Variants in STKLD1 observed in about 807,000 individuals in gnomAD.
STKLD1 encodes serine/threonine kinase like domain containing 1, also known as serine/threonine kinase-like domain-containing protein STKLD1.
In STKLD1, 79 loss-of-function variants were observed where a neutral mutation model predicts 80.4. That is an observed-to-expected ratio of 0.98 (90% CI 0.82 to 1.19). The LOEUF is 1.19. Among genes scored for constraint, STKLD1 ranks in the 50% most tolerant of loss-of-function variants. The probability of loss-of-function intolerance (pLI) is 0.00; values close to 1 mark genes in which losing one functional copy is unlikely to be tolerated. For synonymous variants in STKLD1, 393 were observed against 357.6 expected (o/e 1.10, Z -1.12); for missense variants, 841 against 856.0 (o/e 0.98, Z 0.22).
intron 12 of STKLD1, 30 bp from the exon 13 acceptor site, chr9:133,401,706 TAA>T: frequency 1.3e-6 from 2 of 1,599,900 alleles, no homozygotes; most frequent in Admixed American, 3.4e-5. Flanking sequence ...GCTGTGGGGC[TAA>T]CCCCAGGCGT....
intron 7 of STKLD1, among the ~76,000 whole-genome samples, chr9:133,393,191 C>CATGGATGGATGGATGGATGG (rs1276349804): frequency 1.8e-4 from 16 of 90,666 alleles, no homozygotes; most frequent in Admixed American, 2.4e-4. Context: ...TGGATGAGTG[C>CATGGATGGATGGATGGATGG]ATGGATGGAT....
At position 133,376,463 on chromosome 9, in the gene STKLD1, C is replaced by T; in HGVS notation, c.-11C>T. ...GGGTGGACGCTCGCCCGTACGCGGT[C>T]GCTACTGATCATGCTTGGGCCAGGG... On this transcript the variant is annotated 5_prime_UTR_variant, in exon 1 of 18. Transcript: ENST00000371957. The T allele has an allele frequency of 6.4e-7, 1 of 1,573,578 alleles. No homozygotes were observed. Among genetic ancestry groups the T allele is most frequent in the South Asian group, 1.2e-5 (1 of 85,606 alleles).
chr9:133,391,277 G>T (rs1838389230), intron 7 of STKLD1, among the ~76,000 whole-genome samples: 2 of 142,006 alleles, frequency 1.4e-5, no homozygotes, highest in Admixed American at 1.4e-4. Context: ...CCCCGTCAGG[G>T]AGGGAGGTGA....
rs920561704 is a variant in STKLD1, at chr9:133,379,087, G to A, written c.139G>A (p.Glu47Lys). The A allele has an allele frequency of 6.2e-7, 1 of 1,614,022 alleles. No homozygotes were observed. Among genetic ancestry groups the A allele is most frequent in the Non-Finnish European group, 8.5e-7 (1 of 1,179,938 alleles). The change falls in exon 2 of 18, where the codon GAA (glutamate) becomes AAA (lysine). Residue 47 changes from glutamate to lysine, a missense_variant. Glu to Lys is a moderately conservative substitution (Grantham distance 56). Coordinates refer to ENST00000371957, the MANE Select transcript of STKLD1 (RefSeq NM_153710.5). ...CTTGGGGGTGAACCTGGTGGTGGAG[G>A]AAATGGAAACCAAAGTCAAGCATGT... is the stretch of plus-strand genomic sequence containing the variant. The part of the protein sequence containing the change: ...GALGVNLVVE[E>K]METKVKHVIK...
At chr9:133,393,731 G>A (rs76207109) in intron 7 of STKLD1, 1,900 of 152,918 alleles carry the variant, frequency 0.012, 30 homozygotes, top group African/African-American at 0.036. Flanking sequence ...TCTATTGGAG[G>A]TGTAGATGGC....
intron 4 of STKLD1, among the ~76,000 whole-genome samples, chr9:133,386,303 G>GC (rs1243796477): frequency 6.6e-6 from 1 of 152,248 alleles, no homozygotes; most frequent in African/African-American, 2.4e-5. Context: ...CTAGTACGTG[G>GC]CCAAGCCAGA....
chr9:133,389,454 C>A lies in STKLD1; in HGVS notation c.397-72C>A. The A allele has an allele frequency of 6.3e-7, 1 of 1,578,578 alleles. No homozygotes were observed. The highest frequency in any genetic ancestry group is 8.6e-7 in the Non-Finnish European group (1 of 1,162,426). On this transcript the variant is annotated intron_variant, in intron 5 of 17. Coordinates refer to ENST00000371957, the MANE Select transcript of STKLD1 (RefSeq NM_153710.5). The surrounding 1 kb of genome is among the most constrained non-coding windows in gnomAD (Gnocchi z 6.4). ...GGATACACCACCATCCTGCTGGCTG[C>A]TCTGAGTGTCACCCCCCTGAAAGCA...
Position 133,385,837 on chromosome 9 carries a change from C to A in STKLD1, c.294+146C>A. The A allele has an allele frequency of 1.5e-6, 1 of 676,150 alleles. No individual in the cohort carries two copies. The highest frequency in any genetic ancestry group is 2.5e-6 in the Non-Finnish European group (1 of 394,758). 41.9% of individuals were successfully genotyped at this position (676,150 alleles called of 1,614,324 possible). On this transcript the variant is annotated intron_variant, in intron 4 of 17. Coordinates refer to ENST00000371957, the MANE Select transcript of STKLD1 (RefSeq NM_153710.5). This position sits in a 1 kb window ranked among gnomAD's most constrained non-coding sequence, Gnocchi z 4.9. Reference sequence around the variant, plus strand: ...GACTGTAAACGTGGCCACCCCTGACCTAACACTCACTGGGGCCAGGTACCA... The same window carrying A: ...GACTGTAAACGTGGCCACCCCTGACATAACACTCACTGGGGCCAGGTACCA...
At chr9:133,399,026 G>T (rs28373202) in intron 11 of STKLD1, among the ~76,000 whole-genome samples, 2 of 151,872 alleles carry the variant, frequency 1.3e-5, no homozygotes, top group African/African-American at 2.4e-5. Flanking sequence ...CTAATTTTTC[G>T]TATTTTTATT....
chr9:133,387,829 T>A (rs1165612981), intron 5 of STKLD1: 2 of 557,442 alleles, frequency 3.6e-6, no homozygotes, highest in African/African-American at 3.7e-5. Context: ...GTTCTGCCGG[T>A]CCCTGAAGTT....
At chr9:133,402,711 C>T (rs1274976786) in intron 13 of STKLD1, among the ~76,000 whole-genome samples, 167 bp from the exon 14 acceptor site, 1 of 152,230 alleles carries the variant, frequency 6.6e-6, no homozygotes, top group Non-Finnish European at 1.5e-5. Context: ...CCTCTGGGGC[C>T]AGTCCCACAT....
Position 133,389,571 on chromosome 9 carries a change from C to T in STKLD1, c.442C>T (p.Leu148=), listed in dbSNP as rs2130284475. ...CCAGGTGCTGGACGCGCTGGAATAC[C>T]TGCACCATTTGGACATCATCCACAG... ...LGQVLDALEY[L]HHLDIIHRNL... The change falls in exon 6 of 18, where the codon CTG becomes TTG. Residue 148 remains leucine, a synonymous_variant. Transcript: ENST00000371957. This position sits in a 1 kb window ranked among gnomAD's most constrained non-coding sequence, Gnocchi z 6.4. The T allele has an allele frequency of 1.1e-5, 17 of 1,613,426 alleles. No homozygotes were observed. The African/African-American group carries it at 2.0e-4, about 19-fold the overall frequency.
chr9:133,405,322 C>T lies in STKLD1; in HGVS notation c.1944C>T (p.Thr648=). 6.2e-7 allele frequency: 1 copy of T among 1,612,976 alleles called. No individual in the cohort carries two copies. Among genetic ancestry groups the T allele is most frequent in the Non-Finnish European group, 8.5e-7 (1 of 1,179,908 alleles). The part of the protein sequence containing the change: ...ALLQEIKERF[T]SSLVSDSSAF... The stretch of plus-strand genomic sequence containing the variant: ...TCCAGGAGATCAAGGAGCGCTTCAC[C>T]TCCAGCCTGGTGAGTGACAGCAGCG... The change falls in exon 18 of 18, where the codon ACC becomes ACT. Residue 648 remains threonine (T), a synonymous_variant. Transcript: ENST00000371957.
chr9:133,400,552 TG>T, intron 12 of STKLD1, 23 bp downstream of exon 12: 1 of 1,580,176 alleles, frequency 6.3e-7, no homozygotes, highest in South Asian at 1.1e-5. Flanking sequence ...CCAGGCCAGA[TG>T]GGGTCGGGGA....
At chr9:133,392,748 TAGG>T (rs1188624539) in intron 7 of STKLD1, among the ~76,000 whole-genome samples, 18 of 81,274 alleles carry the variant, frequency 2.2e-4, no homozygotes, top group Non-Finnish European at 3.3e-4. Context: ...GATGGATGGA[TAGG>T]AGGGTGGGTG....
intron 17 of STKLD1, 35 bp from the exon 18 acceptor site, chr9:133,405,217 A>C (rs28449682): frequency 6.4e-7 from 1 of 1,565,428 alleles, no homozygotes; most frequent in Non-Finnish European, 8.7e-7. Context: ...CACAGGAAGG[A>C]CTCTGGCCTC....
chr9:133,405,023 G>T, intron 17 of STKLD1, 94 bp downstream of exon 17: 13 of 1,529,768 alleles, frequency 8.5e-6, no homozygotes, highest in Non-Finnish European at 1.1e-5. Flanking sequence ...CACATGGAAG[G>T]TGGGCTCAAC....
In STKLD1 at chr9:133,394,657, C is replaced by T. The variant is rs142730405; in HGVS notation, c.702+248C>T. The T allele has an allele frequency of 6.4e-3, 3,128 of 489,254 alleles. 17 individuals carry two copies. The highest frequency in any genetic ancestry group is 9.3e-3 in the Non-Finnish European group (2,514 of 269,874). The allele number at this position is 489,254 out of a possible 1,614,324, so 30.3% of individuals were successfully genotyped here. A position where few individuals can be genotyped will look rare whatever the true frequency, so the allele number is the denominator to read the frequency against. ...TATTCAGACCATCCCACGCGACCCT[C>T]GCAGCAGCCCTCCAGGTGGTGTCAC... On this transcript the variant is annotated intron_variant, in intron 8 of 17. Transcript: ENST00000371957. The surrounding 1 kb of genome is among the most constrained non-coding windows in gnomAD (Gnocchi z 4.9).
At chr9:133,400,821 ACAGGC>A (rs964006973) in intron 12 of STKLD1, among the ~76,000 whole-genome samples, 86 of 152,342 alleles carry the variant, frequency 5.6e-4, no homozygotes, top group African/African-American at 2.0e-3. Flanking sequence ...CAGAGAGGGC[ACAGGC>A]CAGGAGCTTG....
Sources: gnomAD v4.1 joint callset for allele counts (sites outside exome capture counted in the v4.1 genomes callset) on GRCh38, gnomAD v4.1.1 for gene constraint, Gnocchi (gnomAD v3.1) non-coding constraint, MANE v1.5 for transcripts, NCBI Gene and HGNC (gene_info 2026-07-23, HGNC 2026-07-21) for gene names.